Variants in SEMA3A observed in about 807,000 individuals in gnomAD.
SEMA3A encodes the protein semaphorin 3A, also known as semaphorin-3A.
A neutral mutation model predicts 97.9 loss-of-function variants in SEMA3A; 29 were observed. The observed-to-expected ratio is 0.30, with a 90% CI of 0.22 to 0.40. The LOEUF is 0.40. SEMA3A is among the 10% of genes least tolerant of loss of function. SEMA3A has a pLI of 1.00. For synonymous variants in SEMA3A, 321 were observed against 323.7 expected, an observed-to-expected ratio of 0.99 and a Z score of 0.09; for missense variants, 763 against 951.3, an observed-to-expected ratio of 0.80 and a Z score of 2.60.
chr7:84,054,868 A>G (rs1008508381), intron 5 of SEMA3A, among the ~76,000 whole-genome samples: 56 of 150,540 alleles, frequency 3.7e-4, no homozygotes, highest in Non-Finnish European at 6.8e-4. Flanking sequence ...ATGGTGATGC[A>G]CAGATGGGTT....
intron 4 of SEMA3A, among the ~76,000 whole-genome samples, chr7:84,068,613 T>G (rs903155386): frequency 2.6e-4 from 39 of 152,070 alleles, no homozygotes; most frequent in African/African-American, 9.4e-4. Flanking sequence ...GTTATGAATA[T>G]TATATTTTCT....
chr7:84,093,557 A>G (rs1794658764), intron 4 of SEMA3A, among the ~76,000 whole-genome samples: 1 of 152,164 alleles, frequency 6.6e-6, no homozygotes, highest in Non-Finnish European at 1.5e-5. Flanking sequence ...ATGAAAAGGA[A>G]CTGAAAGAAC....
chr7:84,287,438 G>C (rs1800619867), intron 3 of SEMA3A, among the ~76,000 whole-genome samples: 1 of 152,072 alleles, frequency 6.6e-6, no homozygotes, highest in Non-Finnish European at 1.5e-5. Context: ...AATTCCAAAA[G>C]AGCATGTATT....
intron 2 of SEMA3A, among the ~76,000 whole-genome samples, chr7:84,323,738 T>C (rs570309834): frequency 5.6e-4 from 85 of 152,312 alleles, no homozygotes; most frequent in Non-Finnish European, 8.8e-4. Context: ...GCCTTAGTCA[T>C]GCATCATGGT....
chr7:84,459,926 C>A (rs1299878658), intron 1 of SEMA3A, among the ~76,000 whole-genome samples: 10 of 152,082 alleles, frequency 6.6e-5, no homozygotes, highest in Non-Finnish European at 5.9e-5. Context: ...ACTCAGAAAT[C>A]TGAGATGGGA....
At chr7:84,413,688 T>TA (rs1377727281) in intron 1 of SEMA3A, among the ~76,000 whole-genome samples, 1 of 151,986 alleles carries the variant, frequency 6.6e-6, no homozygotes. Context: ...GTAGTAGAAG[T>TA]AAAAATCAAT....
intron 3 of SEMA3A, among the ~76,000 whole-genome samples, chr7:84,251,670 T>C (rs1799613870): frequency 6.6e-6 from 1 of 152,184 alleles, no homozygotes; most frequent in Non-Finnish European, 1.5e-5. Flanking sequence ...ATGTGACTCA[T>C]CCAGCCTCAC....
At chr7:84,379,223 A>G (rs1468854638) in intron 1 of SEMA3A, among the ~76,000 whole-genome samples, 1 of 152,092 alleles carries the variant, frequency 6.6e-6, no homozygotes, top group African/African-American at 2.4e-5. Context: ...CACCGTGCCC[A>G]GCCGTGACAA....
In SEMA3A at chr7:84,082,782, A is replaced by T. The variant is rs188096377; in HGVS notation, c.454-22224T>A. Among the ~76,000 whole-genome samples the T allele has an allele frequency of 2.0e-4, 30 of 152,112 alleles. No individual in the cohort carries two copies. In the South Asian group the frequency reaches 2.1e-3, roughly 10 times the overall value. ...ACTGCTATTATTCAAACTCAAAAAA[A>T]GTAGAAAAACTACATTTTGGCTTTG... On this transcript the variant is annotated intron_variant, in intron 4 of 16. Transcript: ENST00000265362.
intron 3 of SEMA3A, among the ~76,000 whole-genome samples, chr7:84,247,976 T>A (rs184933908): frequency 6.6e-6 from 1 of 152,352 alleles, no homozygotes; most frequent in East Asian, 1.9e-4. Context: ...TTATAGTTTA[T>A]ATATTATGTT....
intron 1 of SEMA3A, among the ~76,000 whole-genome samples, chr7:84,405,244 C>T (rs892297009): frequency 2.0e-5 from 3 of 152,108 alleles, no homozygotes; most frequent in Non-Finnish European, 4.4e-5. Flanking sequence ...GGTTTACAAT[C>T]CTAGTCTCTG....
At chr7:84,378,087 T>C (rs1474308057) in intron 1 of SEMA3A, among the ~76,000 whole-genome samples, 1 of 152,042 alleles carries the variant, frequency 6.6e-6, no homozygotes, top group Non-Finnish European at 1.5e-5. Flanking sequence ...AATGGTAATT[T>C]CAATCTCACA....
At chr7:84,396,489 G>A (rs1358358897) in intron 1 of SEMA3A, among the ~76,000 whole-genome samples, 1 of 151,876 alleles carries the variant, frequency 6.6e-6, no homozygotes, top group Non-Finnish European at 1.5e-5. Flanking sequence ...TATCTCAGCA[G>A]CAACAACGGA....
At position 83,958,963 on chromosome 7, in the gene SEMA3A, G is replaced by T. The variant is rs375855511; in HGVS notation, c.*2408C>A. On this transcript the variant is annotated 3_prime_UTR_variant, in exon 17 of 17. Transcript: ENST00000265362. The stretch of plus-strand genomic sequence containing the variant: ...TTAAATGGGCCAATAATTCTTTTTC[G>T]TGCAAACTGCCCCCTCTCAATACAC... 9 of 151,906 alleles carry T rather than the reference G, an allele frequency of 5.9e-5. No homozygotes were observed. In the South Asian group the frequency reaches 1.9e-3, roughly 31 times the overall value. The allele number at this position is 151,906 out of a possible 1,614,324, so 9.4% of individuals were successfully genotyped here.
intron 1 of SEMA3A, among the ~76,000 whole-genome samples, chr7:84,479,562 C>T (rs1386065995): frequency 6.6e-6 from 1 of 151,982 alleles, no homozygotes; most frequent in African/African-American, 2.4e-5. Context: ...GGGCAGCTAT[C>T]AAATAAATGA....
At chr7:84,002,090 G>A (rs1314894105) in intron 11 of SEMA3A, 44 bp from the exon 12 acceptor site, 1 of 1,108,742 alleles carries the variant, frequency 9.0e-7, no homozygotes, top group South Asian at 1.3e-5. Flanking sequence ...AAGTAGATCT[G>A]AACAGAGATT....
In SEMA3A at chr7:84,133,147, G is replaced by A. The variant is rs566511935; in HGVS notation, c.270+1647C>T. The stretch of plus-strand genomic sequence containing the variant: ...TAACAGGCATTTATTCCTATCATCT[G>A]AGGGGGCTTTGAAATCAATTGAATT... On this transcript the variant is annotated intron_variant, in intron 2 of 16. Transcript: ENST00000265362. Among the ~76,000 whole-genome samples the A allele has an allele frequency of 1.6e-4, 25 of 152,266 alleles. No homozygotes were observed. The South Asian group carries it at 1.9e-3, about 11-fold the overall frequency.
At chr7:84,336,283 T>C (rs887472036) in intron 2 of SEMA3A, among the ~76,000 whole-genome samples, 3 of 152,140 alleles carry the variant, frequency 2.0e-5, no homozygotes, top group African/African-American at 7.2e-5. Context: ...GATGGAAAGA[T>C]CCTTTTCTAA....
At chr7:84,409,489 C>G (rs972077242) in intron 1 of SEMA3A, among the ~76,000 whole-genome samples, 3 of 151,952 alleles carry the variant, frequency 2.0e-5, no homozygotes, top group Admixed American at 6.6e-5. Context: ...CATTTTACAA[C>G]TGCCCTAATG....
Sources: allele counts gnomAD v4.1 joint callset (sites outside exome capture counted in the v4.1 genomes callset), GRCh38; gene constraint gnomAD v4.1.1; transcripts MANE v1.5; gene names NCBI Gene and HGNC (gene_info 2026-07-23, HGNC 2026-07-21).